Variants in PEAK1 observed in about 807,000 individuals in gnomAD.
The protein encoded by PEAK1 is inactive tyrosine-protein kinase PEAK1.
Under a neutral mutation model 124.7 loss-of-function variants are expected in PEAK1, and 54 were observed. That is an observed-to-expected ratio of 0.43 (90% CI 0.35 to 0.54). The LOEUF is 0.54. PEAK1 is among the 20% of genes least tolerant of loss of function. The pLI, the probability that PEAK1 is intolerant of heterozygous loss-of-function variation, is 0.01. For synonymous variants in PEAK1, 719 were observed against 760.0 expected (o/e 0.95, Z 0.89); for missense variants, 2,046 against 2,134.5 (o/e 0.96, Z 0.82).
intron 1 of PEAK1, chr15:77,403,227 T>C (rs563780137): frequency 1.0e-6 from 1 of 985,412 alleles, no homozygotes; most frequent in East Asian, 1.1e-4. Context: ...TTGGGTATGG[T>C]GAAAGCAGTC....
intron 6 of PEAK1, among the ~76,000 whole-genome samples, chr15:77,217,281 A>C (rs1206121789): frequency 6.6e-6 from 1 of 151,802 alleles, no homozygotes; most frequent in East Asian, 1.9e-4. Context: ...GTACAGTTGA[A>C]GCAATAGCTA....
intron 9 of PEAK1, among the ~76,000 whole-genome samples, chr15:77,125,893 G>A (rs2052333212): frequency 6.8e-6 from 1 of 147,196 alleles, no homozygotes; most frequent in Non-Finnish European, 1.5e-5. Context: ...GTTCTTTATT[G>A]TATTATACTG....
rs1434501646 is a variant in PEAK1, at chr15:77,112,464, G to C, written c.*1692C>G. ...AGGGCTCACTCACTCACTAGGCACA[G>C]AGAACATGTCTGTCAACCCTGCCAC... On this transcript the variant is annotated 3_prime_UTR_variant, in exon 10 of 10. Transcript: ENST00000682557. 1 of 152,246 alleles carries C rather than the reference G, an allele frequency of 6.6e-6. No individual in the cohort carries two copies. The highest frequency in any genetic ancestry group is 1.5e-5 in the Non-Finnish European group (1 of 68,064). 9.4% of individuals were successfully genotyped at this position (152,246 alleles called of 1,614,324 possible).
In PEAK1 at chr15:77,202,402, C is replaced by T. The variant is rs998696842; in HGVS notation, c.-114-20362G>A. Among the ~76,000 whole-genome samples the T allele has an allele frequency of 1.6e-4, 25 of 152,050 alleles. 1 individual carries two copies. The highest frequency in any genetic ancestry group is 4.4e-5 in the Non-Finnish European group (3 of 68,006). The stretch of plus-strand genomic sequence containing the variant: ...ACAGTTGATTAACACATATTTTGTA[C>T]ATTGTATGTACTATATACTGTATTT... On this transcript the variant is annotated intron_variant, in intron 6 of 9. Coordinates refer to ENST00000682557, the MANE Select transcript of PEAK1 (RefSeq NM_001385026.1).
At chr15:77,106,308 C>T (rs540734479), downstream of PEAK1, 3 of 152,286 alleles carry the variant, frequency 2.0e-5, no homozygotes, top group African/African-American at 7.2e-5. Context: ...TATATACCTT[C>T]TAAGCTATAT....
At chr15:77,285,850 C>G (rs1465615725) in intron 3 of PEAK1, among the ~76,000 whole-genome samples, 2 of 152,042 alleles carry the variant, frequency 1.3e-5, no homozygotes, top group Non-Finnish European at 2.9e-5. Context: ...GTGTCTCTGC[C>G]TCCTTCAGTT....
intron 1 of PEAK1, among the ~76,000 whole-genome samples, chr15:77,395,369 A>G (rs192963972): frequency 3.9e-5 from 6 of 152,270 alleles, no homozygotes; most frequent in African/African-American, 9.6e-5. Context: ...AGAGAGAGAG[A>G]GGGGCAGGGA....
intron 2 of PEAK1, chr15:77,332,122 T>C: frequency 3.5e-6 from 3 of 865,206 alleles, no homozygotes; most frequent in Non-Finnish European, 4.2e-6. Context: ...AGACTCCATC[T>C]CAAAAAAATA....
At chr15:77,233,844 C>T (rs748840498) in intron 6 of PEAK1, among the ~76,000 whole-genome samples, 23 of 152,242 alleles carry the variant, frequency 1.5e-4, no homozygotes, top group Non-Finnish European at 3.1e-4. Context: ...TATGTCTAAG[C>T]ATTCATGTTT....
intron 7 of PEAK1, among the ~76,000 whole-genome samples, chr15:77,177,333 A>G (rs1035507987): frequency 4.6e-5 from 7 of 152,148 alleles, no homozygotes; most frequent in Non-Finnish European, 8.8e-5. Context: ...ACATTCAACT[A>G]CCAATGACAA....
chr15:77,366,350 T>C (rs1048138963), intron 1 of PEAK1, among the ~76,000 whole-genome samples: 5 of 152,160 alleles, frequency 3.3e-5, no homozygotes, highest in Non-Finnish European at 5.9e-5. Context: ...CTGACATGTA[T>C]TAGACATGTA....
intron 2 of PEAK1, among the ~76,000 whole-genome samples, chr15:77,289,644 T>C (rs1425287721): frequency 2.6e-5 from 4 of 152,150 alleles, no homozygotes; most frequent in African/African-American, 9.7e-5. Flanking sequence ...GAGTCCAGCC[T>C]AGCCAACATG....
At chr15:77,353,178 C>T (rs981341492) in intron 2 of PEAK1, among the ~76,000 whole-genome samples, 4 of 152,186 alleles carry the variant, frequency 2.6e-5, no homozygotes, top group Non-Finnish European at 4.4e-5. Flanking sequence ...TTCCAAGTAT[C>T]GATCGTGTAT....
chr15:77,172,077 T>A (rs940773855), intron 7 of PEAK1, among the ~76,000 whole-genome samples: 40 of 152,304 alleles, frequency 2.6e-4, no homozygotes, highest in African/African-American at 8.9e-4. Flanking sequence ...TTTGGTACCA[T>A]ACCAGAATTT....
At chr15:77,233,056 C>A (rs1269211089) in intron 6 of PEAK1, among the ~76,000 whole-genome samples, 1 of 152,094 alleles carries the variant, frequency 6.6e-6, no homozygotes, top group Non-Finnish European at 1.5e-5. Flanking sequence ...CCTTTTTTCT[C>A]TTTTGCATCA....
intron 5 of PEAK1, among the ~76,000 whole-genome samples, chr15:77,267,906 T>C (rs1195412609): frequency 1.3e-5 from 2 of 151,978 alleles, no homozygotes; most frequent in African/African-American, 4.8e-5. Flanking sequence ...AAGTCGACTA[T>C]TAAGCCAATA....
chr15:77,349,135 G>T lies in PEAK1; in HGVS notation c.-603+16028C>A, dbSNP rs190802176. ...GCTCACTGCAACCTCCACCTCCTGG[G>T]TTCACGCCATTCTCCTGCCTCAGCC... is the stretch of plus-strand genomic sequence containing the variant. On this transcript the variant is annotated intron_variant, in intron 2 of 9. Coordinates refer to ENST00000682557, the MANE Select transcript of PEAK1 (RefSeq NM_001385026.1). 1.6e-3 allele frequency: 836 copies of T among 519,978 alleles called. 4 individuals carry two copies. The highest frequency in any genetic ancestry group is 0.016 in the African/African-American group (763 of 48,020). 32.2% of individuals were successfully genotyped at this position (519,978 alleles called of 1,614,324 possible). A position where few individuals can be genotyped will look rare whatever the true frequency, so the allele number is the denominator to read the frequency against.
chr15:77,289,034 C>T (rs1314982935), intron 2 of PEAK1, among the ~76,000 whole-genome samples: 1 of 150,910 alleles, frequency 6.6e-6, no homozygotes, highest in Non-Finnish European at 1.5e-5. Flanking sequence ...GAACAGTAAA[C>T]AGCAAATATA....
intron 1 of PEAK1, among the ~76,000 whole-genome samples, chr15:77,375,941 G>A (rs1234082802): frequency 6.6e-6 from 1 of 152,004 alleles, no homozygotes; most frequent in Non-Finnish European, 1.5e-5. Flanking sequence ...GGAGCCTGCA[G>A]TGAGCCGAGA....
Sources: gnomAD v4.1 joint callset for allele counts (sites outside exome capture counted in the v4.1 genomes callset) on GRCh38, gnomAD v4.1.1 for gene constraint, MANE v1.5 for transcripts, NCBI Gene and HGNC (gene_info 2026-07-23, HGNC 2026-07-21) for gene names.